The following FAM20B variants were observed in gnomAD, a reference collection of about 807,000 sequenced individuals.
The protein encoded by FAM20B is FAM20B glycosaminoglycan xylosylkinase.
A neutral mutation model predicts 43.8 loss-of-function variants in FAM20B; 23 were observed. That is an observed-to-expected ratio of 0.53 (90% CI 0.38 to 0.74). FAM20B has a LOEUF of 0.74. Ranked by LOEUF, FAM20B falls within the 30% of genes least tolerant of loss-of-function variation. FAM20B has a pLI of 0.00. For synonymous variants in FAM20B, 178 were observed against 192.4 expected, an observed-to-expected ratio of 0.93 and a Z score of 0.62; for missense variants, 440 against 510.5, an observed-to-expected ratio of 0.86 and a Z score of 1.33.
At chr1:179,070,986 GA>G (rs1417219104) in intron 7 of FAM20B, among the ~76,000 whole-genome samples, 2 of 151,850 alleles carry the variant, frequency 1.3e-5, no homozygotes, top group African/African-American at 4.8e-5. Flanking sequence ...AAATAAGGCA[GA>G]TAGGTATCCT....
At chr1:179,030,893 ATGTGTGTGTG>A (rs1206684101) in intron 1 of FAM20B, among the ~76,000 whole-genome samples, 1 of 150,772 alleles carries the variant, frequency 6.6e-6, no homozygotes, top group Non-Finnish European at 1.5e-5. Flanking sequence ...AAAAAAAAAA[ATGTGTGTGTG>A]TGTGTTTGTG....
intron 3 of FAM20B, among the ~76,000 whole-genome samples, chr1:179,051,992 T>C (rs183291829): frequency 6.6e-6 from 1 of 152,194 alleles, no homozygotes. Context: ...AGGTGAAATG[T>C]TTGTCTTTTT....
intron 1 of FAM20B, among the ~76,000 whole-genome samples, chr1:179,034,403 T>TC (rs1160425988): frequency 6.6e-6 from 1 of 150,968 alleles, no homozygotes; most frequent in South Asian, 2.1e-4. Context: ...TCTCTCTCTC[T>TC]TTTTTTTTAA....
At chr1:179,017,559 C>T in the FAM20B span, among the ~76,000 whole-genome samples, 1 of 152,092 alleles carries the variant, frequency 6.6e-6, no homozygotes, top group Non-Finnish European at 1.5e-5. Context: ...TTTTCATTTT[C>T]CTTGTAAGTT....
Position 179,064,297 on chromosome 1 carries a change from G to C in FAM20B, c.747-8G>C. On this transcript the variant is annotated splice_polypyrimidine_tract_variant and splice_region_variant and intron_variant, in intron 5 of 7. Transcript: ENST00000263733. ...GTCACTCAGTGCTGTGATGCTGCTT[G>C]TCTCCAGGTGGGAGTATGATGAGAG... 6.3e-7 allele frequency: 1 copy of C among 1,596,764 alleles called. No homozygotes were observed. The highest frequency in any genetic ancestry group is 1.7e-5 in the Admixed American group (1 of 59,330).
chr1:179,049,389 A>G lies in FAM20B; in HGVS notation c.378-890A>G, dbSNP rs184084628. Among the ~76,000 whole-genome samples the G allele has an allele frequency of 7.9e-3, 1,210 of 152,320 alleles. 12 individuals carry two copies. Among genetic ancestry groups the G allele is most frequent in the Non-Finnish European group, 0.011 (757 of 68,036 alleles). ...AGGACTCCTTGTAGTACGTCATCATAAACTTAAAAAAAAAGAACAAGAATG... is the reference window on the plus strand; with the variant it reads ...AGGACTCCTTGTAGTACGTCATCATGAACTTAAAAAAAAAGAACAAGAATG... On this transcript the variant is annotated intron_variant, in intron 2 of 7. Transcript: ENST00000263733.
chr1:179,045,615 TTGAC>T (rs377440484), intron 2 of FAM20B, among the ~76,000 whole-genome samples: 25 of 152,230 alleles, frequency 1.6e-4, no homozygotes, highest in African/African-American at 4.3e-4. Flanking sequence ...GAATAAAAAT[TTGAC>T]TGGGGCTGGG....
Position 179,071,893 on chromosome 1 carries a change from T to C in FAM20B, c.999-20T>C. The C allele has an allele frequency of 6.4e-7, 1 of 1,561,020 alleles. No individual in the cohort carries two copies. ...TAATGAGAAGTTTTATGTACCTTGT[T>C]CTATAACTTTTTCTCCCAGCATTCG... is the stretch of plus-strand genomic sequence containing the variant. On this transcript the variant is annotated intron_variant, in intron 7 of 7. Transcript: ENST00000263733.
chr1:179,061,067 C>CT (rs1651442982), intron 4 of FAM20B, among the ~76,000 whole-genome samples: 1 of 139,680 alleles, frequency 7.2e-6, no homozygotes, highest in Admixed American at 7.5e-5. Context: ...TGTAAATACT[C>CT]TTTGTCGAAT....
intron 1 of FAM20B, among the ~76,000 whole-genome samples, chr1:179,037,230 T>G (rs1458895519): frequency 6.6e-6 from 1 of 152,078 alleles, no homozygotes; most frequent in Non-Finnish European, 1.5e-5. Context: ...CAAAAGAAGG[T>G]GATGAGCACT....
intron 2 of FAM20B, among the ~76,000 whole-genome samples, chr1:179,049,262 A>C (rs1650901402): frequency 6.6e-6 from 1 of 152,174 alleles, no homozygotes; most frequent in Non-Finnish European, 1.5e-5. Context: ...TCCAGCCCCT[A>C]ATATTGTAAG....
chr1:179,070,489 A>T (rs1364084942), intron 7 of FAM20B, among the ~76,000 whole-genome samples: 4 of 145,816 alleles, frequency 2.7e-5, no homozygotes, highest in Admixed American at 2.7e-4. Flanking sequence ...GGGCAAAGAG[A>T]GAGGGCAACA....
At chr1:179,035,514 G>T (rs571049626) in intron 1 of FAM20B, 4 of 678,988 alleles carry the variant, frequency 5.9e-6, no homozygotes, top group South Asian at 2.8e-5. Context: ...GACTGCTGTG[G>T]CCTCCACTAT....
intron 4 of FAM20B, among the ~76,000 whole-genome samples, chr1:179,059,971 CAAAA>C (rs58295299): frequency 8.2e-6 from 1 of 121,314 alleles, no homozygotes; most frequent in Non-Finnish European, 1.8e-5. Flanking sequence ...GATTATGTCT[CAAAA>C]AAAAAAAAAA....
In FAM20B at chr1:179,065,174, G is replaced by A. The variant is rs565767748; in HGVS notation, c.938+678G>A. Among the ~76,000 whole-genome samples the A allele has an allele frequency of 2.7e-5, 4 of 150,820 alleles. No homozygotes were observed. In the South Asian group the frequency reaches 8.4e-4, roughly 32 times the overall value. On this transcript the variant is annotated intron_variant, in intron 6 of 7. Transcript: ENST00000263733. The stretch of plus-strand genomic sequence containing the variant: ...TTTTTTTTTTAAGTTTTTTTGAGAC[G>A]GAGTTTTGCTCTGTTGCCCAGGCTG...
At chr1:179,071,023 A>G (rs4360489) in intron 7 of FAM20B, among the ~76,000 whole-genome samples, 116,889 of 151,708 alleles carry the variant, frequency 0.77, 45,730 homozygotes, top group African/African-American at 0.9. Flanking sequence ...CGCCAGGCGC[A>G]GTGGCTCACG....
intron 4 of FAM20B, 150 bp downstream of exon 4, chr1:179,054,788 G>A: frequency 4.1e-6 from 2 of 484,760 alleles, no homozygotes; most frequent in South Asian, 3.6e-5. Flanking sequence ...AGGTTATTTG[G>A]GAAAATGAAT....
intron 4 of FAM20B, 55 bp from the exon 5 acceptor site, chr1:179,063,872 A>T (rs1651575762): frequency 1.5e-6 from 2 of 1,316,802 alleles, no homozygotes; most frequent in Non-Finnish European, 2.1e-6. Context: ...TTTGGGAGAG[A>T]ACTTGGAGTC....
chr1:179,048,656 T>C (rs1425993925), intron 2 of FAM20B, among the ~76,000 whole-genome samples: 1 of 152,234 alleles, frequency 6.6e-6, no homozygotes, highest in Non-Finnish European at 1.5e-5. Flanking sequence ...TGACTTTTAA[T>C]TTAGAGGTAG....
Sources: gnomAD v4.1 joint callset for allele counts (sites outside exome capture counted in the v4.1 genomes callset) on GRCh38, gnomAD v4.1.1 for gene constraint, MANE v1.5 for transcripts, NCBI Gene and HGNC (gene_info 2026-07-23, HGNC 2026-07-21) for gene names.